COL4A4: variants seen among roughly 807,000 people sequenced by gnomAD.
The protein encoded by COL4A4 is collagen type IV alpha 4 chain.
A neutral mutation model predicts 192.9 loss-of-function variants in COL4A4; 105 were observed. The ratio of observed to expected loss-of-function variants is 0.54; its 90% CI spans 0.46 to 0.64. The LOEUF is 0.64. Among genes scored for constraint, COL4A4 ranks in the 30% least tolerant of loss-of-function variants. The pLI is 0.00. For missense variants in COL4A4, 1,967 were observed against 2,169.3 expected (o/e 0.91, Z 1.85); for synonymous variants, 762 against 769.9 (o/e 0.99, Z 0.17).
the COL4A4 span, among the ~76,000 whole-genome samples, chr2:226,974,611 G>A: frequency 1.3e-5 from 2 of 152,154 alleles, no homozygotes; most frequent in Non-Finnish European, 2.9e-5. Context: ...GAACAAGGAT[G>A]TACAAAAGAG....
chr2:227,018,668 TTTTTAAAAA>T, intron 44 of COL4A4, among the ~76,000 whole-genome samples: 1 of 152,200 alleles, frequency 6.6e-6, no homozygotes, highest in African/African-American at 2.4e-5. Flanking sequence ...GACGGGGCAC[TTTTTAAAAA>T]ACATCATAAT....
chr2:227,100,690 G>A (rs1390347849), intron 17 of COL4A4, among the ~76,000 whole-genome samples: 1 of 152,112 alleles, frequency 6.6e-6, no homozygotes, highest in East Asian at 1.9e-4. Flanking sequence ...GATATGGTTT[G>A]GCTGTGCCCC....
rs1486926485 is a variant in COL4A4, at chr2:227,005,847, G to A, written c.*1478C>T. 1 of 152,162 alleles carries A rather than the reference G, an allele frequency of 6.6e-6. No homozygotes were observed. Among genetic ancestry groups the A allele is most frequent in the Non-Finnish European group, 1.5e-5 (1 of 68,038 alleles). The allele number at this position is 152,162 out of a possible 1,614,324, so 9.4% of individuals were successfully genotyped here. On this transcript the variant is annotated 3_prime_UTR_variant, in exon 48 of 48. Coordinates refer to ENST00000396625, the MANE Select transcript of COL4A4 (RefSeq NM_000092.5). ...CCTTTTTCTTTTAGATGAGGAAGGT[G>A]AGTTTCCTAAAAATTTTTTCCAACA...
chr2:227,082,030 A>G, intron 23 of COL4A4, 85 bp downstream of exon 23: 1 of 1,131,170 alleles, frequency 8.8e-7, no homozygotes, highest in Non-Finnish European at 1.4e-6. Context: ...GAATTGATCT[A>G]TGGTCACAGG....
chr2:226,976,285 A>G, the COL4A4 span, among the ~76,000 whole-genome samples: 5 of 146,854 alleles, frequency 3.4e-5, no homozygotes, highest in East Asian at 9.9e-4. Context: ...GATCTTGGAT[A>G]TGCCCACCCC....
intron 25 of COL4A4, among the ~76,000 whole-genome samples, chr2:227,067,990 A>G (rs2058457400): frequency 6.9e-6 from 1 of 145,198 alleles, no homozygotes; most frequent in Middle Eastern, 3.4e-3. Context: ...TAAAGAAAAA[A>G]AGAGAGAAGA....
the COL4A4 span, among the ~76,000 whole-genome samples, chr2:226,984,366 A>G: frequency 1.3e-5 from 2 of 152,222 alleles, no homozygotes; most frequent in Admixed American, 1.3e-4. Context: ...TTCCTGGATT[A>G]TAGATGGCTG....
Position 227,045,574 on chromosome 2 carries a change from A to G in COL4A4, c.3289+1901T>C, listed in dbSNP as rs140821401. Among the ~76,000 whole-genome samples, 883 of 151,814 alleles carry G rather than the reference A, an allele frequency of 5.8e-3. 9 individuals carry two copies. The highest frequency in any genetic ancestry group is 0.02 in the African/African-American group (831 of 41,382). On this transcript the variant is annotated intron_variant, in intron 35 of 47. Coordinates refer to ENST00000396625, the MANE Select transcript of COL4A4 (RefSeq NM_000092.5). ...CACTTGAGGCCAGGAGTTTGAGACC[A>G]GCCTAGCCAACATGACAAAACTCTG...
Position 227,056,426 on chromosome 2 carries a change from TAGA to T in COL4A4, c.2546-314_2546-312del, listed in dbSNP as rs760509402. On this transcript the variant is annotated intron_variant, in intron 29 of 47. Transcript: ENST00000396625. Reference sequence around the variant, plus strand: ...TTTCCTCTTGGTGGAGGGAAACTAATAGAAGAAAACTTTCCAGGTTTTTCCTGA... The same window carrying T: ...TTTCCTCTTGGTGGAGGGAAACTAATAGAAAACTTTCCAGGTTTTTCCTGA... 7.9e-5 allele frequency among the ~76,000 whole-genome samples: 12 copies of T among 152,278 alleles called. No homozygotes were observed. In the South Asian group the frequency reaches 8.3e-4, roughly 11 times the overall value.
At chr2:227,162,427 A>C (rs1226705550) in intron 1 of COL4A4, among the ~76,000 whole-genome samples, 2 of 152,202 alleles carry the variant, frequency 1.3e-5, no homozygotes, top group Non-Finnish European at 2.9e-5. Context: ...AGTTTGTGAA[A>C]CATAATCATG....
chr2:227,147,617 G>T (rs2125390333), intron 1 of COL4A4, 33 bp from the exon 2 acceptor site: 1 of 747,502 alleles, frequency 1.3e-6, no homozygotes, highest in Non-Finnish European at 2.4e-6. Context: ...TTAAAACACA[G>T]CATGCATTAT....
Position 227,008,242 on chromosome 2 carries a change from G to A in COL4A4, c.4585C>T (p.Gln1529Ter). Residue 1529 changes from glutamine to a stop codon, truncating the protein, a stop_gained, in exon 47 of 48, where the codon CAG becomes TAG. Transcript: ENST00000396625. LOFTEE classifies it high-confidence loss of function. ...TLPFAYCNIH[Q>*]VCHYAQRNDR... ...TTTCTCTGGGCATAGTGGCACACCT[G>A]GTGGATGTTGCAGTAGGCAAAGGGC... 6.2e-7 allele frequency: 1 copy of A among 1,614,240 alleles called. No individual in the cohort carries two copies. The highest frequency in any genetic ancestry group is 1.1e-5 in the South Asian group (1 of 91,090).
intron 19 of COL4A4, among the ~76,000 whole-genome samples, chr2:227,096,986 T>C (rs1170426507): frequency 2.6e-5 from 4 of 152,202 alleles, no homozygotes; most frequent in African/African-American, 4.8e-5. Context: ...CTACAAATTA[T>C]ATATACAAGT....
At chr2:227,151,097 G>C (rs766623501) in intron 1 of COL4A4, among the ~76,000 whole-genome samples, 2 of 152,108 alleles carry the variant, frequency 1.3e-5, no homozygotes, top group Non-Finnish European at 2.9e-5. Flanking sequence ...ATGCACACAA[G>C]CTCTTTAACA....
At chr2:226,978,742 T>A in the COL4A4 span, among the ~76,000 whole-genome samples, 1 of 152,300 alleles carries the variant, frequency 6.6e-6, no homozygotes, top group Middle Eastern at 3.4e-3. Flanking sequence ...AGGGAGGGGA[T>A]CCTGTGAGAG....
the COL4A4 span, among the ~76,000 whole-genome samples, chr2:226,967,417 G>T: frequency 3.3e-5 from 5 of 151,656 alleles, no homozygotes; most frequent in Non-Finnish European, 7.4e-5. Context: ...AAATTTTAGG[G>T]TACATGTGCA....
chr2:227,121,574 A>G (rs1362048093), intron 4 of COL4A4, among the ~76,000 whole-genome samples: 3 of 135,950 alleles, frequency 2.2e-5, no homozygotes, highest in Non-Finnish European at 3.3e-5. Context: ...AAAAAAAAAA[A>G]AAGAAAAGAA....
chr2:227,144,288 G>T (rs1391319224), intron 3 of COL4A4, among the ~76,000 whole-genome samples: 1 of 152,142 alleles, frequency 6.6e-6, no homozygotes. Flanking sequence ...TTTAAAGAAA[G>T]GGTTATGTTT....
At position 227,065,419 on chromosome 2, in the gene COL4A4, G is replaced by T. The variant is rs1479844731; in HGVS notation, c.1988-2821C>A. On this transcript the variant is annotated intron_variant, in intron 25 of 47. Coordinates refer to ENST00000396625, the MANE Select transcript of COL4A4 (RefSeq NM_000092.5). Reference sequence around the variant, plus strand: ...GCCTGCCTCTGTAGGCTCCACCTCTGGGGGCAGGGCACAGACAAACAAAAA... The same window carrying T: ...GCCTGCCTCTGTAGGCTCCACCTCTTGGGGCAGGGCACAGACAAACAAAAA... 2.0e-5 allele frequency among the ~76,000 whole-genome samples: 3 copies of T among 152,338 alleles called. No homozygotes were observed. In the East Asian group the frequency reaches 5.8e-4, roughly 29 times the overall value.
Sources: gnomAD v4.1 joint callset for allele counts (sites outside exome capture counted in the v4.1 genomes callset) on GRCh38, gnomAD v4.1.1 for gene constraint, MANE v1.5 for transcripts, NCBI Gene and HGNC (gene_info 2026-07-23, HGNC 2026-07-21) for gene names.